The following NRG3 variants were observed in gnomAD, a reference collection of about 807,000 sequenced individuals.
NRG3 encodes the protein pro-neuregulin-3, membrane-bound isoform.
In NRG3, 31 loss-of-function variants were observed where a neutral mutation model predicts 66.9. The ratio of observed to expected loss-of-function variants is 0.46; its 90% CI spans 0.35 to 0.63. The LOEUF (loss-of-function observed/expected upper bound fraction) is 0.63. NRG3 is among the 20% of genes least tolerant of loss of function. The probability of loss-of-function intolerance (pLI) is 0.00; values close to 1 mark genes in which losing one functional copy is unlikely to be tolerated. For missense variants in NRG3, 910 were observed against 878.9 expected, an observed-to-expected ratio of 1.04 and a Z score of -0.45; for synonymous variants, 393 against 359.4, an observed-to-expected ratio of 1.09 and a Z score of -1.06.
At chr10:82,964,592 A>G (rs1355927920) in intron 6 of NRG3, among the ~76,000 whole-genome samples, 1 of 152,196 alleles carries the variant, frequency 6.6e-6, no homozygotes, top group Non-Finnish European at 1.5e-5. Flanking sequence ...AATTACCTAC[A>G]TTAGAAATCC....
At chr10:82,258,181 C>T (rs573945580) in intron 1 of NRG3, among the ~76,000 whole-genome samples, 14 of 152,228 alleles carry the variant, frequency 9.2e-5, no homozygotes, top group Non-Finnish European at 1.8e-4. Context: ...AAAATTATTC[C>T]AACCTAGTTT....
At chr10:82,167,827 T>C (rs541548418) in intron 1 of NRG3, among the ~76,000 whole-genome samples, 178 of 152,264 alleles carry the variant, frequency 1.2e-3, no homozygotes, top group African/African-American at 3.9e-3. Context: ...GAATGGTGTG[T>C]TTATCATAAA....
At chr10:82,540,502 TTGTG>T (rs771643042) in intron 2 of NRG3, among the ~76,000 whole-genome samples, 13 of 150,994 alleles carry the variant, frequency 8.6e-5, no homozygotes, top group African/African-American at 1.5e-4. Context: ...GGGGATGTGT[TTGTG>T]TGTGTGTGTG....
At chr10:82,627,921 C>T (rs2049538204) in intron 2 of NRG3, among the ~76,000 whole-genome samples, 1 of 152,194 alleles carries the variant, frequency 6.6e-6, no homozygotes, top group African/African-American at 2.4e-5. Context: ...GCAGTACAAT[C>T]TCAGTGCTTT....
intron 1 of NRG3, among the ~76,000 whole-genome samples, chr10:82,297,652 G>T (rs2080148710): frequency 6.6e-6 from 1 of 152,020 alleles, no homozygotes; most frequent in Admixed American, 6.6e-5. Flanking sequence ...AATGATACAG[G>T]TGAAAACTCT....
At chr10:82,747,255 T>C (rs2058683675) in intron 3 of NRG3, among the ~76,000 whole-genome samples, 1 of 152,082 alleles carries the variant, frequency 6.6e-6, no homozygotes, top group African/African-American at 2.4e-5. Flanking sequence ...TATAATATTA[T>C]AAGAATTTAA....
At chr10:81,997,793 G>A (rs1203320772) in intron 1 of NRG3, among the ~76,000 whole-genome samples, 3 of 151,422 alleles carry the variant, frequency 2.0e-5, no homozygotes, top group African/African-American at 4.9e-5. Context: ...TTATTTGTAC[G>A]TAATGTCTCC....
At chr10:81,968,865 C>G (rs1329349717) in intron 1 of NRG3, among the ~76,000 whole-genome samples, 1 of 152,154 alleles carries the variant, frequency 6.6e-6, no homozygotes, top group Admixed American at 6.5e-5. Flanking sequence ...GTGCTTATCT[C>G]TTTGGAGATG....
intron 3 of NRG3, among the ~76,000 whole-genome samples, chr10:82,828,470 G>A (rs1407367143): frequency 6.6e-6 from 1 of 152,112 alleles, no homozygotes; most frequent in Non-Finnish European, 1.5e-5. Context: ...GGCTGGAAGA[G>A]AGGCTATACC....
intron 2 of NRG3, among the ~76,000 whole-genome samples, chr10:82,416,013 G>A (rs1203694666): frequency 1.3e-5 from 2 of 152,120 alleles, no homozygotes; most frequent in Non-Finnish European, 2.9e-5. Context: ...CTCAGTTCTT[G>A]TTATAGATAA....
chr10:82,760,276 G>T (rs1053215712), intron 3 of NRG3, among the ~76,000 whole-genome samples: 2 of 151,950 alleles, frequency 1.3e-5, no homozygotes, highest in South Asian at 2.1e-4. Flanking sequence ...AAGCACATCT[G>T]GTCTCTAAAG....
intron 1 of NRG3, among the ~76,000 whole-genome samples, chr10:82,086,614 G>C (rs975826763): frequency 1.3e-4 from 20 of 152,108 alleles, no homozygotes; most frequent in Admixed American, 9.8e-4. Context: ...CATCAAGGTG[G>C]TTCTAAAGAT....
At chr10:81,962,993 T>A (rs1222368300) in intron 1 of NRG3, among the ~76,000 whole-genome samples, 1 of 152,148 alleles carries the variant, frequency 6.6e-6, no homozygotes, top group Non-Finnish European at 1.5e-5. Flanking sequence ...TCACACAGCC[T>A]GCTCAGAGTC....
chr10:82,927,534 C>G (rs1847128378), intron 4 of NRG3, among the ~76,000 whole-genome samples: 1 of 152,082 alleles, frequency 6.6e-6, no homozygotes, highest in African/African-American at 2.4e-5. Context: ...TGATGTTCCC[C>G]TTCCTGTGTC....
At chr10:82,050,568 C>T (rs188101789) in intron 1 of NRG3, among the ~76,000 whole-genome samples, 6 of 152,168 alleles carry the variant, frequency 3.9e-5, no homozygotes, top group African/African-American at 1.4e-4. Flanking sequence ...GCTACCTGCT[C>T]TCAGACTGGT....
chr10:81,929,406 T>G lies in NRG3; in HGVS notation c.823+53243T>G, dbSNP rs143293724. On this transcript the variant is annotated intron_variant, in intron 1 of 8. Transcript: ENST00000372141. ...TCTATGAAAGATGCAGTATGAAATGTTGAGAAGTGAGTTTGTAGCTTCCAT... is the reference window on the plus strand; with the variant it reads ...TCTATGAAAGATGCAGTATGAAATGGTGAGAAGTGAGTTTGTAGCTTCCAT... Among the ~76,000 whole-genome samples, 96 of 152,314 alleles carry G rather than the reference T, an allele frequency of 6.3e-4. 2 individuals carry two copies. In the Middle Eastern group the frequency reaches 0.017, roughly 27 times the overall value.
At chr10:82,192,517 C>T (rs1211816454) in intron 1 of NRG3, among the ~76,000 whole-genome samples, 1 of 152,020 alleles carries the variant, frequency 6.6e-6, no homozygotes, top group African/African-American at 2.4e-5. Flanking sequence ...CCTAACAGCC[C>T]TAAATTGAGC....
rs73306618 is a variant in NRG3 at position 82,275,053 on chromosome 10, A to G, written c.824-83686A>G. Among the ~76,000 whole-genome samples, 152 of 152,136 alleles carry G rather than the reference A, an allele frequency of 1.0e-3. 1 individual carries two copies. Among genetic ancestry groups the G allele is most frequent in the African/African-American group, 3.5e-3 (147 of 41,534 alleles). ...TCTAGAGTGTCATATGTAGTTTCCTATATGGTGAAAAATAAAATAATTCAA... is the reference window on the plus strand; with the variant it reads ...TCTAGAGTGTCATATGTAGTTTCCTGTATGGTGAAAAATAAAATAATTCAA... On this transcript the variant is annotated intron_variant, in intron 1 of 8. Transcript: ENST00000372141.
At chr10:82,305,653 C>T (rs1003288757) in intron 1 of NRG3, among the ~76,000 whole-genome samples, 2 of 152,018 alleles carry the variant, frequency 1.3e-5, no homozygotes, top group African/African-American at 2.4e-5. Context: ...GTTTTGATTA[C>T]ATGTGGAATA....
Sources: gnomAD v4.1 joint callset for allele counts (sites outside exome capture counted in the v4.1 genomes callset) on GRCh38, gnomAD v4.1.1 for gene constraint, MANE v1.5 for transcripts, NCBI Gene and HGNC (gene_info 2026-07-23, HGNC 2026-07-21) for gene names.